EYS: variants seen among roughly 807,000 people sequenced by gnomAD.
EYS encodes EGF-like photoreceptor maintenance factor, also known as protein eyes shut homolog.
In EYS, 250 loss-of-function variants were observed where a neutral mutation model predicts 282.1. The ratio of observed to expected loss-of-function variants is 0.89; its 90% CI spans 0.80 to 0.98. The LOEUF (loss-of-function observed/expected upper bound fraction) is 0.98. Ranked by LOEUF, EYS falls within the 50% of genes least tolerant of loss-of-function variation. The pLI, the probability that EYS is intolerant of heterozygous loss-of-function variation, is 0.00. For missense variants in EYS, 4,016 were observed against 3,709.0 expected (o/e 1.08, Z -2.15); for synonymous variants, 1,355 against 1,282.9 (o/e 1.06, Z -1.20).
intron 28 of EYS, among the ~76,000 whole-genome samples, chr6:64,407,125 A>C (rs926864344): frequency 6.6e-6 from 1 of 152,252 alleles, no homozygotes; most frequent in Non-Finnish European, 1.5e-5. Flanking sequence ...GCCATAAAAA[A>C]GGATGAGTTC....
At chr6:64,447,521 G>A (rs1225015664) in intron 26 of EYS, among the ~76,000 whole-genome samples, 1 of 151,822 alleles carries the variant, frequency 6.6e-6, no homozygotes, top group Non-Finnish European at 1.5e-5. Flanking sequence ...AATAAGTTAT[G>A]AAATATATTT....
At chr6:65,168,162 G>T (rs1346462732) in intron 12 of EYS, among the ~76,000 whole-genome samples, 1 of 150,994 alleles carries the variant, frequency 6.6e-6, no homozygotes, top group African/African-American at 2.4e-5. Flanking sequence ...TTTTTAAGTT[G>T]CTGATGGAAA....
At chr6:64,174,678 C>T (rs1420365023) in intron 31 of EYS, among the ~76,000 whole-genome samples, 4 of 151,580 alleles carry the variant, frequency 2.6e-5, no homozygotes, top group Admixed American at 2.6e-4. Flanking sequence ...TGAGATATGT[C>T]TCATAGGACA....
At chr6:64,464,462 A>T (rs931253446) in intron 26 of EYS, among the ~76,000 whole-genome samples, 1 of 152,170 alleles carries the variant, frequency 6.6e-6, no homozygotes, top group African/African-American at 2.4e-5. Flanking sequence ...AAAGAAAAAA[A>T]GATAAAAGGC....
intron 2 of EYS, among the ~76,000 whole-genome samples, chr6:65,524,140 G>T (rs1767472443): frequency 6.6e-6 from 1 of 152,140 alleles, no homozygotes; most frequent in Admixed American, 6.5e-5. Flanking sequence ...CCAAAGTGCT[G>T]GGATTACAGG....
intron 21 of EYS, among the ~76,000 whole-genome samples, chr6:64,816,157 C>G (rs1046188504): frequency 6.6e-6 from 1 of 152,096 alleles, no homozygotes; most frequent in South Asian, 2.1e-4. Context: ...ACAGAGAGAA[C>G]TACTATTTGA....
intron 31 of EYS, among the ~76,000 whole-genome samples, chr6:64,177,957 A>G (rs1043417369): frequency 5.9e-5 from 9 of 152,114 alleles, no homozygotes; most frequent in African/African-American, 2.2e-4. Context: ...CCTTGGTCCA[A>G]TATGGCTGTT....
At chr6:64,838,952 G>A (rs1765477776) in intron 19 of EYS, among the ~76,000 whole-genome samples, 1 of 151,974 alleles carries the variant, frequency 6.6e-6, no homozygotes, top group African/African-American at 2.4e-5. Context: ...TGTATTGGGA[G>A]TTCAATATTA....
At chr6:65,241,234 A>G (rs1767051195) in intron 12 of EYS, among the ~76,000 whole-genome samples, 1 of 152,170 alleles carries the variant, frequency 6.6e-6, no homozygotes, top group African/African-American at 2.4e-5. Context: ...AGATATACTC[A>G]TAAAACTTAC....
At chr6:65,061,707 A>G (rs761998559) in intron 12 of EYS, among the ~76,000 whole-genome samples, 2 of 151,864 alleles carry the variant, frequency 1.3e-5, no homozygotes, top group Admixed American at 6.6e-5. Context: ...GTTTAACTGA[A>G]TTTTAATCTG....
chr6:64,044,673 A>AG (rs1024806822), intron 33 of EYS, among the ~76,000 whole-genome samples: 6 of 152,186 alleles, frequency 3.9e-5, no homozygotes, highest in Non-Finnish European at 8.8e-5. Flanking sequence ...TGTTCTTTTC[A>AG]GGGGAAAAAT....
chr6:64,415,049 C>A (rs930013625), intron 28 of EYS, among the ~76,000 whole-genome samples: 1 of 151,984 alleles, frequency 6.6e-6, no homozygotes. Flanking sequence ...AAATCCAGTG[C>A]AAAAATGCAA....
At chr6:64,407,556 TG>T (rs1773759419) in intron 28 of EYS, among the ~76,000 whole-genome samples, 1 of 152,150 alleles carries the variant, frequency 6.6e-6, no homozygotes, top group African/African-American at 2.4e-5. Flanking sequence ...ATGAAAGAAG[TG>T]GGGCTTCTAA....
At chr6:64,895,261 A>G (rs1432092092) in intron 18 of EYS, among the ~76,000 whole-genome samples, 2 of 152,204 alleles carry the variant, frequency 1.3e-5, no homozygotes, top group African/African-American at 4.8e-5. Context: ...AGATAGATAA[A>G]CAGAGCTCCT....
intron 1 of EYS, among the ~76,000 whole-genome samples, chr6:65,649,289 C>T (rs544242028): frequency 7.2e-5 from 11 of 151,850 alleles, no homozygotes; most frequent in Non-Finnish European, 1.5e-4. Context: ...CAAGATTGGA[C>T]GCCTTTTCAA....
chr6:64,082,027 T>C (rs1426527320), intron 31 of EYS, 25 bp from the exon 32 acceptor site: 2 of 1,448,216 alleles, frequency 1.4e-6, no homozygotes, highest in African/African-American at 1.4e-5. Flanking sequence ...GGTATTAATA[T>C]GTTCTGATAG....
At chr6:65,220,411 T>A (rs928643238) in intron 12 of EYS, among the ~76,000 whole-genome samples, 1 of 152,072 alleles carries the variant, frequency 6.6e-6, no homozygotes, top group Non-Finnish European at 1.5e-5. Context: ...TTTCTCATGA[T>A]AGTGAATAAG....
At chr6:64,206,957 G>T (rs146819282) in intron 31 of EYS, among the ~76,000 whole-genome samples, 2,285 of 152,052 alleles carry the variant, frequency 0.015, 16 homozygotes, top group East Asian at 0.034. Flanking sequence ...TATTTTTCCT[G>T]ATCCTCTCCT....
At chr6:65,527,124 A>G (rs1043792449) in intron 2 of EYS, among the ~76,000 whole-genome samples, 1 of 152,154 alleles carries the variant, frequency 6.6e-6, no homozygotes, top group African/African-American at 2.4e-5. Context: ...ATGACTTTCA[A>G]TGAGGTGCAT....
Sources: allele counts gnomAD v4.1 joint callset (sites outside exome capture counted in the v4.1 genomes callset), GRCh38; gene constraint gnomAD v4.1.1; transcripts MANE v1.5; gene names NCBI Gene and HGNC (gene_info 2026-07-23, HGNC 2026-07-21).